KCNQ2: variants seen among roughly 807,000 people sequenced by gnomAD.
The protein encoded by KCNQ2 is potassium voltage-gated channel subfamily Q member 2.
In KCNQ2, 14 loss-of-function variants were observed where a neutral mutation model predicts 84.8. The observed-to-expected ratio is 0.17, with a 90% confidence interval of 0.11 to 0.26. The LOEUF (loss-of-function observed/expected upper bound fraction) is 0.26. Among genes scored for constraint, KCNQ2 ranks in the 10% least tolerant of loss-of-function variants. KCNQ2 has a pLI of 1.00. For missense variants in KCNQ2, 788 were observed against 1,254.0 expected, an observed-to-expected ratio of 0.63 and a Z score of 5.61; for synonymous variants, 599 against 554.1, an observed-to-expected ratio of 1.08 and a Z score of -1.14.
At chr20:63,443,190 A>AT (rs2081285811) in intron 4 of KCNQ2, among the ~76,000 whole-genome samples, 3 of 114,246 alleles carry the variant, frequency 2.6e-5, no homozygotes, top group South Asian at 6.8e-4. Context: ...CACCATCACC[A>AT]CCACCACCAC....
At chr20:63,464,498 A>C (rs888171206) in intron 1 of KCNQ2, among the ~76,000 whole-genome samples, 1 of 152,032 alleles carries the variant, frequency 6.6e-6, no homozygotes, top group African/African-American at 2.4e-5. Context: ...CCTGCGTGTG[A>C]TGCCCCCCAC....
chr20:63,414,835 C>G lies in KCNQ2; in HGVS notation c.1525+68G>C. The G allele has an allele frequency of 6.7e-7, 1 of 1,503,106 alleles. No individual in the cohort carries two copies. The allele number at this position is 1,503,106 out of a possible 1,614,324, so 93.1% of individuals were successfully genotyped here. A position where few individuals can be genotyped will look rare whatever the true frequency, so the allele number is the denominator to read the frequency against. On this transcript the variant is annotated intron_variant, in intron 13 of 16. Transcript: ENST00000359125. The surrounding 1 kb of genome is among the most constrained non-coding windows in gnomAD (Gnocchi z 6.6). ...AGCAGCTGCGACGCCACAGGGTGGC[C>G]ACAGTAGCGTGGCCACCACATCCAT... is the stretch of plus-strand genomic sequence containing the variant.
At chr20:63,450,127 C>T (rs1327063034) in intron 1 of KCNQ2, among the ~76,000 whole-genome samples, 1 of 150,206 alleles carries the variant, frequency 6.7e-6, no homozygotes, top group African/African-American at 2.5e-5. Flanking sequence ...CCCCGCCTCA[C>T]CCCGTCCCTC....
At chr20:63,409,519 C>T (rs1252879745) in intron 15 of KCNQ2, among the ~76,000 whole-genome samples, 1 of 152,212 alleles carries the variant, frequency 6.6e-6, no homozygotes, top group Admixed American at 6.5e-5. Flanking sequence ...CCTGCAGCTA[C>T]GTGGGAACTC....
intron 1 of KCNQ2, among the ~76,000 whole-genome samples, chr20:63,450,397 C>G (rs1310500326): frequency 6.8e-6 from 1 of 147,968 alleles, no homozygotes; most frequent in Non-Finnish European, 1.5e-5. Flanking sequence ...AGCACTGATG[C>G]CTGCCCCCGC....
intron 1 of KCNQ2, among the ~76,000 whole-genome samples, chr20:63,465,689 A>G (rs2082062252): frequency 6.6e-6 from 1 of 152,144 alleles, no homozygotes; most frequent in South Asian, 2.1e-4. Flanking sequence ...GGCGTGTTGA[A>G]CAGGTGCCGC....
At chr20:63,469,016 G>A (rs1007578459) in intron 1 of KCNQ2, among the ~76,000 whole-genome samples, 7 of 152,234 alleles carry the variant, frequency 4.6e-5, no homozygotes, top group African/African-American at 7.2e-5. Context: ...GGAACAGAGC[G>A]GAGCTCCCTT....
At chr20:63,468,019 G>A (rs1254828332) in intron 1 of KCNQ2, among the ~76,000 whole-genome samples, 1 of 152,204 alleles carries the variant, frequency 6.6e-6, no homozygotes, top group Non-Finnish European at 1.5e-5. Flanking sequence ...AATGTGCACA[G>A]AGATTGACTC....
chr20:63,418,173 C>T (rs563840790), intron 12 of KCNQ2, among the ~76,000 whole-genome samples: 1 of 152,344 alleles, frequency 6.6e-6, no homozygotes, highest in Admixed American at 6.5e-5. Flanking sequence ...CGCAGGCCCT[C>T]CCTCGGCCAC....
rs1379399401 is a variant in KCNQ2, at chr20:63,415,265, A to C, written c.1302-139T>G. The C allele has an allele frequency of 1.6e-5, 11 of 685,156 alleles. No individual in the cohort carries two copies. In the Middle Eastern group the frequency reaches 2.8e-3, roughly 173 times the overall value. 42.4% of individuals were successfully genotyped at this position (685,156 alleles called of 1,614,324 possible). A position where few individuals can be genotyped will look rare whatever the true frequency, so the allele number is the denominator to read the frequency against. ...ACAGGTCTGAAGAACAGCCAGCCAC[A>C]CGGGTGGCTCAGAGCAGGTGCCACG... On this transcript the variant is annotated intron_variant, in intron 12 of 16. Transcript: ENST00000359125.
chr20:63,468,294 G>A (rs6062949), intron 1 of KCNQ2, among the ~76,000 whole-genome samples: 23,578 of 152,154 alleles, frequency 0.15, 2,267 homozygotes, highest in Admixed American at 0.21. Flanking sequence ...TCTCTTTCTC[G>A]GCACACAATG....
rs1422042289 is a variant in KCNQ2, at chr20:63,405,521, G to A, written c.*1123C>T. The A allele has an allele frequency of 6.6e-6, 1 of 152,590 alleles. No individual in the cohort carries two copies. Among genetic ancestry groups the A allele is most frequent in the Admixed American group, 6.5e-5 (1 of 15,286 alleles). The allele number at this position is 152,590 out of a possible 1,614,324, so 9.5% of individuals were successfully genotyped here. On this transcript the variant is annotated 3_prime_UTR_variant, in exon 17 of 17. Coordinates refer to ENST00000359125, the MANE Select transcript of KCNQ2 (RefSeq NM_172107.4). ...AGGGAGGGCGCACAGCTGGGCTGAGGTGGGAGTGGTTTCCTCCGGAAAGGC... is the reference window on the plus strand; with the variant it reads ...AGGGAGGGCGCACAGCTGGGCTGAGATGGGAGTGGTTTCCTCCGGAAAGGC...
intron 7 of KCNQ2, among the ~76,000 whole-genome samples, chr20:63,436,725 G>C (rs1207125703): frequency 6.6e-6 from 1 of 151,362 alleles, no homozygotes; most frequent in Non-Finnish European, 1.5e-5. Context: ...CTGTTTTTTA[G>C]ACATAATGCT....
In KCNQ2 at chr20:63,472,413, C is replaced by A. The variant is rs2082239531; in HGVS notation, c.51G>T (p.Glu17Asp). ...NGGVYPGPSG[E>D]KKLKVGFVGL... ...CCACGAAGCCCACCTTCAGCTTCTT[C>A]TCCCCGCTCGGGCCGGGGTATACGC... The change falls in exon 1 of 17, where the codon GAG (glutamate) becomes GAT (aspartate). Residue 17 changes from glutamate (E) to aspartate (D), a missense_variant. Coordinates refer to ENST00000359125, the MANE Select transcript of KCNQ2 (RefSeq NM_172107.4). 2 of 1,538,846 alleles carry A rather than the reference C, an allele frequency of 1.3e-6. No homozygotes were observed. Among genetic ancestry groups the A allele is most frequent in the Non-Finnish European group, 1.7e-6 (2 of 1,146,896 alleles).
chr20:63,451,784 C>T (rs933332048), intron 1 of KCNQ2, among the ~76,000 whole-genome samples: 3 of 152,194 alleles, frequency 2.0e-5, no homozygotes, highest in African/African-American at 4.8e-5. Flanking sequence ...CCCTCCCACT[C>T]GCTGGAGACC....
chr20:63,415,115 C>A lies in KCNQ2; in HGVS notation c.1313G>T (p.Ser438Ile). The change falls in exon 13 of 17, where the codon AGT (serine) becomes ATT (isoleucine). Residue 438 changes from serine to isoleucine, a missense_variant. Physicochemically the swap from Ser to Ile is moderately radical, Grantham distance 142. Transcript: ENST00000359125. ...CCPGRSSQKV[S>I]LKDRVFSSPR... is the part of the protein sequence containing the mutation. ...GCTGGAGAAGACACGATCTTTCAAA[C>A]TGACCTTCTGGCTGCTCCCACGGGA... 2 of 1,596,818 alleles carry A rather than the reference C, an allele frequency of 1.3e-6. No homozygotes were observed. The highest frequency in any genetic ancestry group is 1.7e-5 in the Admixed American group (1 of 59,446).
At chr20:63,422,897 G>A (rs1035913238) in intron 11 of KCNQ2, among the ~76,000 whole-genome samples, 3 of 152,160 alleles carry the variant, frequency 2.0e-5, no homozygotes, top group Non-Finnish European at 4.4e-5. Flanking sequence ...GGAAGCCGTC[G>A]GGAAGCCTCG....
At chr20:63,464,882 C>A (rs2082044029) in intron 1 of KCNQ2, among the ~76,000 whole-genome samples, 2 of 152,254 alleles carry the variant, frequency 1.3e-5, no homozygotes, top group African/African-American at 4.8e-5. Flanking sequence ...CCCCCACGCA[C>A]CCCCAGTCCC....
chr20:63,459,705 C>G (rs6122452), intron 1 of KCNQ2, among the ~76,000 whole-genome samples: 13,731 of 152,094 alleles, frequency 0.09, 1,159 homozygotes, highest in East Asian at 0.47. Flanking sequence ...CTGAATTACT[C>G]GCTTTAAAAT....
Sources: allele counts gnomAD v4.1 joint callset (sites outside exome capture counted in the v4.1 genomes callset), GRCh38; gene constraint gnomAD v4.1.1; non-coding constraint Gnocchi (gnomAD v3.1); transcripts MANE v1.5; gene names NCBI Gene and HGNC (gene_info 2026-07-23, HGNC 2026-07-21).